Variants in ABLIM1 observed in about 807,000 individuals in gnomAD.
ABLIM1 encodes actin binding LIM protein 1.
A neutral mutation model predicts 107.0 loss-of-function variants in ABLIM1; 40 were observed. The ratio of observed to expected loss-of-function variants is 0.37; its 90% CI spans 0.29 to 0.49. The LOEUF is 0.49. Ranked by LOEUF, ABLIM1 falls within the 20% of genes least tolerant of loss-of-function variation. ABLIM1 has a pLI of 0.97. For missense variants in ABLIM1, 857 were observed against 1,008.5 expected (o/e 0.85, Z 2.04); for synonymous variants, 357 against 357.3 (o/e 1.00, Z 0.01).
At chr10:114,561,329 C>T (rs896944481) in intron 4 of ABLIM1, among the ~76,000 whole-genome samples, 1 of 152,196 alleles carries the variant, frequency 6.6e-6, no homozygotes, top group African/African-American at 2.4e-5. Flanking sequence ...ACTTTCATCA[C>T]GTGACCTGTC....
chr10:114,540,586 GC>G (rs2066533360), intron 6 of ABLIM1, among the ~76,000 whole-genome samples: 1 of 152,214 alleles, frequency 6.6e-6, no homozygotes, highest in Admixed American at 6.5e-5. Context: ...AATGAAGACA[GC>G]CCCAAGAGGC....
chr10:114,748,964 C>T (rs2082448196), intron 1 of ABLIM1, among the ~76,000 whole-genome samples: 1 of 152,162 alleles, frequency 6.6e-6, no homozygotes, highest in Non-Finnish European at 1.5e-5. Context: ...TGAGCCATCT[C>T]ACCCAGCAAG....
At chr10:114,698,260 T>A (rs2081236120) in intron 1 of ABLIM1, among the ~76,000 whole-genome samples, 1 of 149,742 alleles carries the variant, frequency 6.7e-6, no homozygotes. Context: ...TGGGAAAAAA[T>A]TAAAAGAGCA....
intron 1 of ABLIM1, among the ~76,000 whole-genome samples, chr10:114,756,301 T>C (rs1398423408): frequency 6.6e-6 from 1 of 152,160 alleles, no homozygotes; most frequent in Non-Finnish European, 1.5e-5. Context: ...AACACTAAAC[T>C]CTTTTAATTA....
At chr10:114,678,798 T>G (rs2080609050) in intron 1 of ABLIM1, among the ~76,000 whole-genome samples, 1 of 152,174 alleles carries the variant, frequency 6.6e-6, no homozygotes, top group East Asian at 1.9e-4. Flanking sequence ...TTCCCTAGGG[T>G]TAGATTGTCT....
intron 1 of ABLIM1, among the ~76,000 whole-genome samples, chr10:114,733,100 T>C (rs892043366): frequency 6.6e-6 from 1 of 152,178 alleles, no homozygotes; most frequent in African/African-American, 2.4e-5. Context: ...AATTTGGACT[T>C]TGCTCTGTAA....
At position 114,495,444 on chromosome 10, in the gene ABLIM1, A is replaced by AATG. The variant is rs202029028; in HGVS notation, c.895-3569_895-3567dup. On this transcript the variant is annotated intron_variant, in intron 6 of 22. Coordinates refer to ENST00000533213, the MANE Select transcript of ABLIM1 (RefSeq NM_002313.7). ...TGATGGTGAGTGGTGCTGGGGTGGT[A>AATG]ATGATGATGATGATGATGATGATGG... Among the ~76,000 whole-genome samples, 91 of 150,492 alleles carry AATG rather than the reference A, an allele frequency of 6.0e-4. 2 individuals are homozygous for AATG. Among genetic ancestry groups the AATG allele is most frequent in the East Asian group, 3.5e-3 (18 of 5,120 alleles).
chr10:114,729,477 T>A (rs933299411), intron 1 of ABLIM1, among the ~76,000 whole-genome samples: 3 of 152,100 alleles, frequency 2.0e-5, no homozygotes, highest in Non-Finnish European at 4.4e-5. Flanking sequence ...CTGGAAGTAA[T>A]TTGCACAGTC....
chr10:114,543,703 G>A (rs1030819985), intron 6 of ABLIM1, among the ~76,000 whole-genome samples: 1 of 152,130 alleles, frequency 6.6e-6, no homozygotes, highest in African/African-American at 2.4e-5. Context: ...CCGCTTTTAG[G>A]GTAACACCCA....
intron 4 of ABLIM1, 40 bp downstream of exon 4, chr10:114,571,257 T>C (rs1442118356): frequency 1.9e-6 from 3 of 1,582,800 alleles, no homozygotes; most frequent in African/African-American, 1.3e-5. Flanking sequence ...ACCTCTGGAC[T>C]ACATAGGTAT....
intron 1 of ABLIM1, among the ~76,000 whole-genome samples, chr10:114,718,032 AGAAAGAGAAAGAG>A (rs1566269377): frequency 1.5e-4 from 14 of 92,930 alleles, no homozygotes; most frequent in Admixed American, 2.2e-4. Context: ...GGAAGGAAGG[AGAAAGAGAAAGAG>A]AAAGAAAGAA....
rs567174539 is a variant in ABLIM1 at position 114,432,877 on chromosome 10, A to C, written c.*3383T>G. On this transcript the variant is annotated 3_prime_UTR_variant, in exon 23 of 23. Coordinates refer to ENST00000533213, the MANE Select transcript of ABLIM1 (RefSeq NM_002313.7). ...TTTATGTGAAGTTATTGAACACGTC[A>C]TATTAAGAACATTTCATAACTAACC... is the stretch of plus-strand genomic sequence containing the variant. The C allele has an allele frequency of 1.3e-5, 2 of 152,334 alleles. No individual in the cohort carries two copies. Among genetic ancestry groups the C allele is most frequent in the East Asian group, 3.9e-4 (2 of 5,186 alleles). 9.4% of individuals were successfully genotyped at this position (152,334 alleles called of 1,614,324 possible). A position where few individuals can be genotyped will look rare whatever the true frequency, so the allele number is the denominator to read the frequency against.
chr10:114,595,491 A>G (rs2075327410), intron 2 of ABLIM1, among the ~76,000 whole-genome samples: 1 of 152,250 alleles, frequency 6.6e-6, no homozygotes. Context: ...CTGGAACGAT[A>G]TGACAGAATG....
intron 8 of ABLIM1, chr10:114,485,162 C>G (rs1287269718): frequency 1.8e-6 from 1 of 566,004 alleles, no homozygotes; most frequent in Non-Finnish European, 2.9e-6. Context: ...GTGAGAGGCG[C>G]TTGTGGTGTG....
At position 114,437,898 on chromosome 10, in the gene ABLIM1, C is replaced by G. The variant is rs758649823; in HGVS notation, c.2169G>C (p.Val723=). ...GGATTTTGTTTCGCCCTCTGTTGGT[C>G]ACCATGAGCATTTCATATGGAAATA... ...PKIFPYEMLM[V]TNRGRNKILR... Residue 723 remains valine, a synonymous_variant, in exon 22 of 23, where the codon GTG becomes GTC. Coordinates refer to ENST00000533213, the MANE Select transcript of ABLIM1 (RefSeq NM_002313.7). 1 of 1,614,040 alleles carries G rather than the reference C, an allele frequency of 6.2e-7. No individual in the cohort carries two copies. The highest frequency in any genetic ancestry group is 8.5e-7 in the Non-Finnish European group (1 of 1,179,990).
chr10:114,499,081 G>A (rs1174686116), intron 6 of ABLIM1, among the ~76,000 whole-genome samples: 1 of 152,162 alleles, frequency 6.6e-6, no homozygotes, highest in Non-Finnish European at 1.5e-5. Flanking sequence ...CAGAGCTAGG[G>A]GTAGAACCCA....
intron 6 of ABLIM1, among the ~76,000 whole-genome samples, chr10:114,535,187 G>A (rs2065863065): frequency 1.3e-5 from 2 of 152,310 alleles, no homozygotes; most frequent in African/African-American, 4.8e-5. Flanking sequence ...CCCAGCACTG[G>A]AGAGGTTTTA....
chr10:114,602,024 T>C (rs1421456159), intron 1 of ABLIM1, 63 bp from the exon 2 acceptor site: 9 of 1,598,474 alleles, frequency 5.6e-6, no homozygotes, highest in Admixed American at 5.0e-5. Flanking sequence ...GGGGTCATCA[T>C]GGTATCTCTG....
intron 1 of ABLIM1, among the ~76,000 whole-genome samples, chr10:114,744,324 G>A (rs2142328182): frequency 6.6e-6 from 1 of 152,266 alleles, no homozygotes; most frequent in East Asian, 1.9e-4. Context: ...TTACAGCAGT[G>A]TTTCTCAACC....
Sources: allele counts gnomAD v4.1 joint callset (sites outside exome capture counted in the v4.1 genomes callset), GRCh38; gene constraint gnomAD v4.1.1; transcripts MANE v1.5; gene names NCBI Gene and HGNC (gene_info 2026-07-23, HGNC 2026-07-21).